Variants in RPS6KA5 observed in about 807,000 individuals in gnomAD.
RPS6KA5 encodes ribosomal protein S6 kinase A5.
A neutral mutation model predicts 85.5 loss-of-function variants in RPS6KA5; 27 were observed. The observed-to-expected ratio is 0.32, with a 90% CI of 0.23 to 0.44. RPS6KA5 has a LOEUF of 0.44. RPS6KA5 is among the 20% of genes least tolerant of loss of function. The pLI is 1.00. For synonymous variants in RPS6KA5, 334 were observed against 348.2 expected, an observed-to-expected ratio of 0.96 and a Z score of 0.46; for missense variants, 811 against 980.9, an observed-to-expected ratio of 0.83 and a Z score of 2.31.
chr14:90,893,567 T>C lies in RPS6KA5; in HGVS notation c.1644+846A>G, dbSNP rs559352961. On this transcript the variant is annotated intron_variant, in intron 13 of 16. Coordinates refer to ENST00000614987, the MANE Select transcript of RPS6KA5 (RefSeq NM_004755.4). The stretch of plus-strand genomic sequence containing the variant: ...TAGTGCTTTTAGAGAAATAATCTTT[T>C]GTGGCTTAATCACAAAAGGAACATC... 2.6e-5 allele frequency among the ~76,000 whole-genome samples: 4 copies of C among 152,288 alleles called. No homozygotes were observed. In the East Asian group the frequency reaches 7.7e-4, roughly 29 times the overall value.
At chr14:90,895,477 TTTTGC>T (rs1389965081) in intron 12 of RPS6KA5, among the ~76,000 whole-genome samples, 1 of 152,248 alleles carries the variant, frequency 6.6e-6, no homozygotes, top group Admixed American at 6.5e-5. Context: ...CACTATGGGT[TTTTGC>T]TTTAATCCCA....
chr14:91,007,713 T>TC, intron 1 of RPS6KA5, among the ~76,000 whole-genome samples: 1 of 152,092 alleles, frequency 6.6e-6, no homozygotes, highest in East Asian at 1.9e-4. Context: ...TATTTTGTTT[T>TC]TTTTTTTGGT....
In RPS6KA5 at chr14:90,873,790, G is replaced by T; in HGVS notation, c.2002C>A (p.Leu668Ile). ...QEAKDLIQGL[L>I]TVDPNKRLKM... ...AGCCTTTTGTTTGGATCTACTGTGAGAAGTCCTTTGGGAATAGATATTTTT... is the reference window on the plus strand; with the variant it reads ...AGCCTTTTGTTTGGATCTACTGTGATAAGTCCTTTGGGAATAGATATTTTT... The change falls in exon 16 of 17, where the codon CTC (leucine) becomes ATC (isoleucine). Residue 668 changes from leucine (L) to isoleucine (I), a missense_variant. Coordinates refer to ENST00000614987, the MANE Select transcript of RPS6KA5 (RefSeq NM_004755.4). 6.2e-7 allele frequency: 1 copy of T among 1,612,384 alleles called. No homozygotes were observed. Among genetic ancestry groups the T allele is most frequent in the Non-Finnish European group, 8.5e-7 (1 of 1,179,304 alleles).
chr14:90,985,243 G>A (rs1245324965), intron 2 of RPS6KA5, among the ~76,000 whole-genome samples: 2 of 152,128 alleles, frequency 1.3e-5, no homozygotes, highest in South Asian at 2.1e-4. Flanking sequence ...GCGCCCGGCC[G>A]CCTTTAATTT....
Position 90,872,170 on chromosome 14 carries a change from G to C in RPS6KA5, c.2313C>G (p.His771Gln). Residue 771 changes from histidine (H) to glutamine (Q), a missense_variant, in exon 17 of 17, where the codon CAC becomes CAG. Coordinates refer to ENST00000614987, the MANE Select transcript of RPS6KA5 (RefSeq NM_004755.4). ...ESSHSSSSHSHGKTTPTKTLQ... is the reference protein window; with the variant it reads ...ESSHSSSSHSQGKTTPTKTLQ... ...GTGTCTTGGTGGGTGTAGTTTTACCGTGAGAATGAGAGGAAGAAGAATGGG... is the reference window on the plus strand; with the variant it reads ...GTGTCTTGGTGGGTGTAGTTTTACCCTGAGAATGAGAGGAAGAAGAATGGG... 6.2e-7 allele frequency: 1 copy of C among 1,613,894 alleles called. No individual in the cohort carries two copies. The highest frequency in any genetic ancestry group is 8.5e-7 in the Non-Finnish European group (1 of 1,179,988).
intron 1 of RPS6KA5, among the ~76,000 whole-genome samples, chr14:91,041,208 T>C (rs2042595521): frequency 6.6e-6 from 1 of 152,200 alleles, no homozygotes; most frequent in South Asian, 2.1e-4. Flanking sequence ...TCTGACTCAA[T>C]CATCCTTATT....
chr14:91,057,590 G>A (rs953127313), intron 1 of RPS6KA5, among the ~76,000 whole-genome samples: 12 of 152,224 alleles, frequency 7.9e-5, no homozygotes, highest in Admixed American at 2.6e-4. Flanking sequence ...AGATTATGGC[G>A]AATTTACACT....
At position 90,853,284 on chromosome 14, in the gene RPS6KA5, A is replaced by G. The variant is rs1304875376; in HGVS notation, c.*18790T>C. ...GTAGAAACTTCTTAGGTTATCACTC[A>G]AAAAACAAAACAAAAGCCAAAACCT... is the stretch of plus-strand genomic sequence containing the variant. On this transcript the variant is annotated 3_prime_UTR_variant, in exon 17 of 17. Coordinates refer to ENST00000614987, the MANE Select transcript of RPS6KA5 (RefSeq NM_004755.4). 2 of 152,308 alleles carry G rather than the reference A, an allele frequency of 1.3e-5. No individual in the cohort carries two copies. The highest frequency in any genetic ancestry group is 1.3e-4 in the Admixed American group (2 of 15,300). The allele number at this position is 152,308 out of a possible 1,614,324, so 9.4% of individuals were successfully genotyped here. A position where few individuals can be genotyped will look rare whatever the true frequency, so the allele number is the denominator to read the frequency against.
chr14:90,964,463 T>G (rs2038958145), intron 3 of RPS6KA5, among the ~76,000 whole-genome samples: 1 of 152,240 alleles, frequency 6.6e-6, no homozygotes. Flanking sequence ...TAAAATGCTT[T>G]TTGACTGTGA....
intron 3 of RPS6KA5, among the ~76,000 whole-genome samples, chr14:90,957,237 G>C (rs943361464): frequency 3.3e-5 from 5 of 151,976 alleles, no homozygotes; most frequent in Admixed American, 3.3e-4. Flanking sequence ...GGTAATTTTT[G>C]TATTTTTAGT....
In RPS6KA5 at chr14:90,862,060, AAAC is replaced by A. The variant is rs1370392952; in HGVS notation, c.*10011_*10013del. The A allele has an allele frequency of 1.3e-5, 2 of 152,218 alleles. No individual in the cohort carries two copies. The highest frequency in any genetic ancestry group is 2.4e-5 in the African/African-American group (1 of 41,452). The allele number at this position is 152,218 out of a possible 1,614,324, so 9.4% of individuals were successfully genotyped here. A position where few individuals can be genotyped will look rare whatever the true frequency, so the allele number is the denominator to read the frequency against. On this transcript the variant is annotated 3_prime_UTR_variant, in exon 17 of 17. Transcript: ENST00000614987. The stretch of plus-strand genomic sequence containing the variant: ...ATTACTAACGAACTAACATAGGAGG[AAAC>A]AATGGACAAAAGAAAATATTTGGTT...
chr14:90,925,506 T>C (rs577665029), intron 5 of RPS6KA5, among the ~76,000 whole-genome samples: 5 of 152,144 alleles, frequency 3.3e-5, no homozygotes, highest in Admixed American at 1.3e-4. Context: ...TGTGGGGAAG[T>C]AGGAAAATCT....
rs905569811 is a variant in RPS6KA5 at position 90,858,111 on chromosome 14, G to T, written c.*13963C>A. 3.9e-5 allele frequency: 6 copies of T among 151,976 alleles called. No homozygotes were observed. The highest frequency in any genetic ancestry group is 1.5e-4 in the African/African-American group (6 of 41,356). The allele number at this position is 151,976 out of a possible 1,614,324, so 9.4% of individuals were successfully genotyped here. ...CCTCCTACTGAAAACAACGATGAAA[G>T]CTATATTAACCCTTTTCCGGTTTAG... On this transcript the variant is annotated 3_prime_UTR_variant, in exon 17 of 17. Transcript: ENST00000614987.
chr14:90,985,244 C>T (rs563394310), intron 2 of RPS6KA5, among the ~76,000 whole-genome samples: 8 of 152,164 alleles, frequency 5.3e-5, no homozygotes, highest in African/African-American at 1.7e-4. Context: ...CGCCCGGCCG[C>T]CTTTAATTTT....
chr14:90,874,590 T>C (rs998214599), intron 15 of RPS6KA5, among the ~76,000 whole-genome samples: 2 of 152,186 alleles, frequency 1.3e-5, no homozygotes, highest in African/African-American at 4.8e-5. Flanking sequence ...CAAAGGATTT[T>C]TGGCAGAAAA....
rs1283764383 is a variant in RPS6KA5, at chr14:91,042,747, C to G, written c.103+17585G>C. 2.2e-5 allele frequency among the ~76,000 whole-genome samples: 3 copies of G among 134,268 alleles called. No individual in the cohort carries two copies. The Admixed American group carries it at 2.3e-4, about 10-fold the overall frequency. The allele number at this position is 134,268 out of a possible 152,430, so 88.1% of individuals were successfully genotyped here. A position where few individuals can be genotyped will look rare whatever the true frequency, so the allele number is the denominator to read the frequency against. ...AGTCTTTTATCGGACCTCCTAACCC[C>G]CCAGGTGCACAACATCCCATCCCCC... On this transcript the variant is annotated intron_variant, in intron 1 of 16. Coordinates refer to ENST00000614987, the MANE Select transcript of RPS6KA5 (RefSeq NM_004755.4).
Position 90,861,789 on chromosome 14 carries a change from T to G in RPS6KA5, c.*10285A>C. On this transcript the variant is annotated 3_prime_UTR_variant, in exon 17 of 17. Coordinates refer to ENST00000614987, the MANE Select transcript of RPS6KA5 (RefSeq NM_004755.4). Reference sequence around the variant, plus strand: ...GGCTTGTGTCTGTAATCCCAGCTACTCGGGAGGCTGAGGCAGGAGAATCGC... The same window carrying G: ...GGCTTGTGTCTGTAATCCCAGCTACGCGGGAGGCTGAGGCAGGAGAATCGC... 1 of 150,002 alleles carries G rather than the reference T, an allele frequency of 6.7e-6. No individual in the cohort carries two copies. Among genetic ancestry groups the G allele is most frequent in the East Asian group, 2.0e-4 (1 of 5,094 alleles). The allele number at this position is 150,002 out of a possible 1,614,324, so 9.3% of individuals were successfully genotyped here.
At chr14:91,034,029 G>A (rs1443142684) in intron 1 of RPS6KA5, among the ~76,000 whole-genome samples, 1 of 152,126 alleles carries the variant, frequency 6.6e-6, no homozygotes, top group Non-Finnish European at 1.5e-5. Flanking sequence ...TTTTAGGCCA[G>A]GCGCAGTGGT....
intron 14 of RPS6KA5, 85 bp downstream of exon 14, chr14:90,890,402 T>G (rs951972792): frequency 8.3e-7 from 1 of 1,210,190 alleles, no homozygotes; most frequent in African/African-American, 1.5e-5. Context: ...TTTTCATGAA[T>G]GTAAGGAAAC....
Sources: allele counts gnomAD v4.1 joint callset (sites outside exome capture counted in the v4.1 genomes callset), GRCh38; gene constraint gnomAD v4.1.1; transcripts MANE v1.5; gene names NCBI Gene and HGNC (gene_info 2026-07-23, HGNC 2026-07-21).